The following C1orf141 variants were observed in gnomAD, a reference collection of about 807,000 sequenced individuals.
The protein encoded by C1orf141 is uncharacterized protein C1orf141.
A neutral mutation model predicts 23.2 loss-of-function variants in C1orf141; 19 were observed. That is an observed-to-expected ratio of 0.82 (90% CI 0.57 to 1.20). The LOEUF is 1.20. Among genes scored for constraint, C1orf141 ranks in the 50% most tolerant of loss-of-function variants. The pLI is 0.00. For synonymous variants in C1orf141, 153 were observed against 154.6 expected, an observed-to-expected ratio of 0.99 and a Z score of 0.08; for missense variants, 469 against 455.1, an observed-to-expected ratio of 1.03 and a Z score of -0.28.
Position 67,098,574 on chromosome 1 carries a change from A to G in C1orf141, c.347-2253T>C, listed in dbSNP as rs1004027436. Among the ~76,000 whole-genome samples the G allele has an allele frequency of 1.3e-5, 2 of 152,136 alleles. 1 individual carries two copies. The highest frequency in any genetic ancestry group is 1.3e-4 in the Admixed American group (2 of 15,268). Reference sequence around the variant, plus strand: ...AATATAAATTTTAGAAAGGCAGCCAACAAAATCTACAAGAGGGTCAGCACT... The same window carrying G: ...AATATAAATTTTAGAAAGGCAGCCAGCAAAATCTACAAGAGGGTCAGCACT... On this transcript the variant is annotated intron_variant, in intron 5 of 7. Coordinates refer to ENST00000684719, the MANE Select transcript of C1orf141 (RefSeq NM_001276351.2).
At chr1:67,120,046 G>A (rs1199519305) in intron 4 of C1orf141, among the ~76,000 whole-genome samples, 3 of 152,338 alleles carry the variant, frequency 2.0e-5, no homozygotes, top group African/African-American at 7.2e-5. Context: ...TCTGGAGGCA[G>A]GACCACTAGT....
intron 1 of C1orf141, among the ~76,000 whole-genome samples, chr1:67,133,742 G>A (rs114661385): frequency 0.045 from 6,811 of 152,236 alleles, 173 homozygotes; most frequent in East Asian, 0.074. Context: ...GAAAGTCGTT[G>A]TGAAGATTCA....
intron 5 of C1orf141, chr1:67,111,554 C>T: frequency 1.0e-6 from 1 of 965,130 alleles, no homozygotes; most frequent in Non-Finnish European, 1.4e-6. Flanking sequence ...TAAGTAATTA[C>T]TGAGTATACA....
At chr1:67,101,231 G>GT (rs1261863950) in intron 5 of C1orf141, among the ~76,000 whole-genome samples, 1 of 152,064 alleles carries the variant, frequency 6.6e-6, no homozygotes, top group Non-Finnish European at 1.5e-5. Flanking sequence ...AAGTTAGGAG[G>GT]TTTTTACCCT....
intron 1 of C1orf141, among the ~76,000 whole-genome samples, chr1:67,132,809 A>G (rs921533788): frequency 1.3e-5 from 2 of 152,262 alleles, no homozygotes; most frequent in African/African-American, 4.8e-5. Context: ...GTTATTGCCA[A>G]TCTAAACTTG....
upstream of C1orf141, among the ~76,000 whole-genome samples, chr1:67,137,103 T>C (rs1179110744): frequency 6.6e-6 from 1 of 152,168 alleles, no homozygotes; most frequent in Admixed American, 6.5e-5. Flanking sequence ...GTAGGCCAAC[T>C]ACAAAGTTAG....
At chr1:67,111,927 T>C (rs902976206) in intron 5 of C1orf141, among the ~76,000 whole-genome samples, 12 of 152,202 alleles carry the variant, frequency 7.9e-5, no homozygotes, top group African/African-American at 2.9e-4. Flanking sequence ...TAGAATCATA[T>C]GTGTTATTCA....
chr1:67,135,589 C>T (rs569504902), upstream of C1orf141, among the ~76,000 whole-genome samples: 10 of 152,180 alleles, frequency 6.6e-5, no homozygotes, highest in Admixed American at 5.9e-4. Context: ...TCCTAAGGAA[C>T]CATTTGTCCT....
At chr1:67,111,183 A>T (rs1359808609) in intron 5 of C1orf141, among the ~76,000 whole-genome samples, 2 of 151,960 alleles carry the variant, frequency 1.3e-5, no homozygotes, top group Non-Finnish European at 2.9e-5. Flanking sequence ...AATTTAATTA[A>T]CCACCACACA....
chr1:67,102,699 G>A (rs973319144), intron 5 of C1orf141: 4 of 152,060 alleles, frequency 2.6e-5, no homozygotes, highest in African/African-American at 7.2e-5. Context: ...CAGAAAACTC[G>A]AGAATATTTT....
chr1:67,098,767 A>G (rs1346552270), intron 5 of C1orf141, among the ~76,000 whole-genome samples: 2 of 152,144 alleles, frequency 1.3e-5, no homozygotes, highest in Non-Finnish European at 2.9e-5. Flanking sequence ...GGGTATAAAT[A>G]AAAAATACTC....
At chr1:67,115,083 A>G (rs1646167068) in intron 5 of C1orf141, among the ~76,000 whole-genome samples, 1 of 152,266 alleles carries the variant, frequency 6.6e-6, no homozygotes, top group African/African-American at 2.4e-5. Flanking sequence ...ATTGAGCTGA[A>G]AGGAAACTCA....
At chr1:67,128,972 C>A (rs1010765552) in intron 2 of C1orf141, among the ~76,000 whole-genome samples, 1 of 152,090 alleles carries the variant, frequency 6.6e-6, no homozygotes, top group Non-Finnish European at 1.5e-5. Flanking sequence ...GGATCCGATG[C>A]CAAAAGTTTA....
intron 7 of C1orf141, chr1:67,094,910 C>T: frequency 5.4e-6 from 1 of 186,580 alleles, no homozygotes; most frequent in Non-Finnish European, 1.1e-5. Flanking sequence ...GCGGGGATTA[C>T]AGGTGCACAC....
chr1:67,105,937 GA>G (rs1645917408), intron 5 of C1orf141, among the ~76,000 whole-genome samples: 1 of 152,136 alleles, frequency 6.6e-6, no homozygotes, highest in Non-Finnish European at 1.5e-5. Context: ...ATGCTAGAAA[GA>G]AGAGAGCCAA....
At chr1:67,098,585 A>C (rs1280139685) in intron 5 of C1orf141, among the ~76,000 whole-genome samples, 2 of 152,128 alleles carry the variant, frequency 1.3e-5, no homozygotes, top group Non-Finnish European at 2.9e-5. Flanking sequence ...CAAAATCTAC[A>C]AGAGGGTCAG....
At position 67,096,307 on chromosome 1, in the gene C1orf141, T is replaced by G. The variant is rs770965073; in HGVS notation, c.361A>C (p.Lys121Gln). 3 of 1,526,992 alleles carry G rather than the reference T, an allele frequency of 2.0e-6. No individual in the cohort carries two copies. Among genetic ancestry groups the G allele is most frequent in the Non-Finnish European group, 2.7e-6 (3 of 1,122,048 alleles). The allele number at this position is 1,526,992 out of a possible 1,614,324, so 94.6% of individuals were successfully genotyped here. Residue 121 changes from lysine to glutamine, a missense_variant, in exon 6 of 8, where the codon AAA becomes CAA. Physicochemically the swap from Lys to Gln is moderately conservative, Grantham distance 53 (BLOSUM62 1). Transcript: ENST00000684719. ...ESESTAQIEK[K>Q]PRKPLDSVGL... The stretch of plus-strand genomic sequence containing the variant: ...ACAGAATCCAATGGTTTCCTAGGTT[T>G]TTTTTCAATTTGAGCTGAAATTTTA...
At chr1:67,115,554 T>C (rs1646176909) in intron 4 of C1orf141, 90 bp from the exon 5 acceptor site, 2 of 576,482 alleles carry the variant, frequency 3.5e-6, no homozygotes, top group South Asian at 5.0e-5. Flanking sequence ...TGTGAAGTCC[T>C]AGTTATACAG....
At chr1:67,123,556 T>C (rs1461311909) in intron 4 of C1orf141, 1 of 152,160 alleles carries the variant, frequency 6.6e-6, no homozygotes, top group Non-Finnish European at 1.5e-5. Context: ...GATAGAATTG[T>C]AGGATAGATA....
Sources: gnomAD v4.1 joint callset for allele counts (sites outside exome capture counted in the v4.1 genomes callset) on GRCh38, gnomAD v4.1.1 for gene constraint, MANE v1.5 for transcripts, NCBI Gene and HGNC (gene_info 2026-07-23, HGNC 2026-07-21) for gene names.